ZNF804A: variants seen among roughly 807,000 people sequenced by gnomAD.
ZNF804A encodes zinc finger protein 804A.
A neutral mutation model predicts 16.5 loss-of-function variants in ZNF804A; 2 were observed. That is an observed-to-expected ratio of 0.12 (90% CI 0.05 to 0.38). The LOEUF is 0.38. Ranked by LOEUF, ZNF804A falls within the 10% of genes least tolerant of loss-of-function variation. The pLI is 0.99. For synonymous variants in ZNF804A, 534 were observed against 489.6 expected (o/e 1.09, Z -1.20); for missense variants, 1,473 against 1,390.7 (o/e 1.06, Z -0.94).
chr2:184,618,447 A>G (rs1476828612), intron 1 of ZNF804A, among the ~76,000 whole-genome samples: 7 of 152,174 alleles, frequency 4.6e-5, no homozygotes, highest in Admixed American at 3.9e-4. Flanking sequence ...GCACCAAGAT[A>G]GGAAAAAAAG....
chr2:184,840,699 A>G (rs990934292), intron 1 of ZNF804A, among the ~76,000 whole-genome samples: 1 of 152,064 alleles, frequency 6.6e-6, no homozygotes, highest in African/African-American at 2.4e-5. Flanking sequence ...CCCTTCCAAA[A>G]TATACACGCC....
chr2:184,914,719 G>GA (rs1331400188), intron 2 of ZNF804A, among the ~76,000 whole-genome samples: 2 of 151,582 alleles, frequency 1.3e-5, no homozygotes, highest in Admixed American at 1.3e-4. Context: ...TAACATTTTT[G>GA]AAAAAGATAA....
chr2:184,924,589 T>A (rs953248907), intron 2 of ZNF804A, among the ~76,000 whole-genome samples: 7 of 151,698 alleles, frequency 4.6e-5, no homozygotes, highest in Non-Finnish European at 1.0e-4. Context: ...TTTTTTTTCT[T>A]CTACTAATTT....
intron 1 of ZNF804A, among the ~76,000 whole-genome samples, chr2:184,704,699 G>T (rs1692994788): frequency 6.6e-6 from 1 of 152,160 alleles, no homozygotes; most frequent in Non-Finnish European, 1.5e-5. Flanking sequence ...ATCTTAGCCT[G>T]GGTTTCTAAG....
At chr2:184,846,584 T>C (rs1695520185) in intron 1 of ZNF804A, among the ~76,000 whole-genome samples, 1 of 152,112 alleles carries the variant, frequency 6.6e-6, no homozygotes, top group Admixed American at 6.6e-5. Context: ...GTACATGTTC[T>C]TGTTTGCCTT....
At chr2:184,856,351 TAA>T (rs879343609) in intron 1 of ZNF804A, among the ~76,000 whole-genome samples, 1 of 146,438 alleles carries the variant, frequency 6.8e-6, no homozygotes, top group African/African-American at 2.5e-5. Flanking sequence ...TCTTTTTATC[TAA>T]AAAAAAAAAT....
chr2:184,774,641 T>G (rs2105770563), intron 1 of ZNF804A, among the ~76,000 whole-genome samples: 1 of 151,980 alleles, frequency 6.6e-6, no homozygotes, highest in South Asian at 2.1e-4. Flanking sequence ...AAGGTCCATT[T>G]CAGCAGTTGA....
At chr2:184,731,692 C>T (rs960639186) in intron 1 of ZNF804A, among the ~76,000 whole-genome samples, 1 of 150,836 alleles carries the variant, frequency 6.6e-6, no homozygotes, top group South Asian at 2.1e-4. Flanking sequence ...ACCTCAGCTT[C>T]CTGAGTAGCT....
At chr2:184,613,240 C>A (rs1478206337) in intron 1 of ZNF804A, among the ~76,000 whole-genome samples, 1 of 152,174 alleles carries the variant, frequency 6.6e-6, no homozygotes, top group Non-Finnish European at 1.5e-5. Flanking sequence ...ACATGTGGAA[C>A]AAAATCATTC....
intron 2 of ZNF804A, among the ~76,000 whole-genome samples, chr2:184,896,517 A>G (rs1201944930): frequency 3.3e-5 from 5 of 152,158 alleles, no homozygotes; most frequent in Non-Finnish European, 7.4e-5. Context: ...AAGCTCTGGT[A>G]TCTTGTTAGC....
chr2:184,701,117 T>A lies in ZNF804A; in HGVS notation c.111+102047T>A, dbSNP rs555071240. On this transcript the variant is annotated intron_variant, in intron 1 of 3. Transcript: ENST00000302277. Reference sequence around the variant, plus strand: ...ATATCAACTTAAGTTAAATAAATTGTACTTAAAAAAAGAAATGGGCTATGT... The same window carrying A: ...ATATCAACTTAAGTTAAATAAATTGAACTTAAAAAAAGAAATGGGCTATGT... 1.2e-4 allele frequency among the ~76,000 whole-genome samples: 18 copies of A among 152,074 alleles called. 2 individuals carry two copies. In the South Asian group the frequency reaches 3.7e-3, roughly 31 times the overall value.
intron 1 of ZNF804A, among the ~76,000 whole-genome samples, chr2:184,740,178 C>T (rs1452111952): frequency 6.6e-6 from 1 of 152,148 alleles, no homozygotes; most frequent in Non-Finnish European, 1.5e-5. Context: ...AGTGGAATTT[C>T]ATATTTTTTG....
chr2:184,678,740 A>C (rs183123386), intron 1 of ZNF804A, among the ~76,000 whole-genome samples: 1 of 152,230 alleles, frequency 6.6e-6, no homozygotes, highest in African/African-American at 2.4e-5. Flanking sequence ...CAATGAACAC[A>C]ATATTAACAT....
intron 1 of ZNF804A, among the ~76,000 whole-genome samples, chr2:184,742,895 G>A (rs768827692): frequency 6.6e-6 from 1 of 151,874 alleles, no homozygotes; most frequent in Non-Finnish European, 1.5e-5. Flanking sequence ...AGTGAGCCAT[G>A]TTGTAAATAA....
At chr2:184,657,538 CTATT>C (rs1252958633) in intron 1 of ZNF804A, among the ~76,000 whole-genome samples, 2 of 152,168 alleles carry the variant, frequency 1.3e-5, no homozygotes, top group Non-Finnish European at 2.9e-5. Context: ...TCCGATAACT[CTATT>C]TAGCTTTTTA....
At chr2:184,748,285 C>T (rs1693823849) in intron 1 of ZNF804A, among the ~76,000 whole-genome samples, 1 of 117,166 alleles carries the variant, frequency 8.5e-6, no homozygotes, top group Non-Finnish European at 2.0e-5. Context: ...TCACTAACAT[C>T]TGTTTTTTTT....
intron 1 of ZNF804A, among the ~76,000 whole-genome samples, chr2:184,746,054 T>G (rs1315738639): frequency 6.6e-6 from 1 of 151,596 alleles, no homozygotes; most frequent in Non-Finnish European, 1.5e-5. Flanking sequence ...GCACGCATTT[T>G]TTTTCACATT....
At chr2:184,850,709 A>AAG (rs1228714420) in intron 1 of ZNF804A, among the ~76,000 whole-genome samples, 12 of 151,684 alleles carry the variant, frequency 7.9e-5, no homozygotes, top group Non-Finnish European at 1.5e-4. Flanking sequence ...AGCAGTAGGG[A>AAG]AGAGAGAGAG....
At chr2:184,803,841 A>G (rs1172271580) in intron 1 of ZNF804A, among the ~76,000 whole-genome samples, 1 of 140,848 alleles carries the variant, frequency 7.1e-6, no homozygotes, top group Non-Finnish European at 1.5e-5. Flanking sequence ...CTGTGTTTAT[A>G]TCCTCTTCTT....
Sources: gnomAD v4.1 joint callset for allele counts (sites outside exome capture counted in the v4.1 genomes callset) on GRCh38, gnomAD v4.1.1 for gene constraint, MANE v1.5 for transcripts, NCBI Gene and HGNC (gene_info 2026-07-23, HGNC 2026-07-21) for gene names.